Variants in GPC5 observed in about 807,000 individuals in gnomAD.
GPC5 encodes the protein glypican 5.
A neutral mutation model predicts 53.9 loss-of-function variants in GPC5; 47 were observed. That is an observed-to-expected ratio of 0.87 (90% CI 0.69 to 1.11). GPC5 has a LOEUF of 1.11. Among genes scored for constraint, GPC5 ranks in the 50% most tolerant of loss-of-function variants. The pLI, the probability that GPC5 is intolerant of heterozygous loss-of-function variation, is 0.00. For missense variants in GPC5, 748 were observed against 713.1 expected (o/e 1.05, Z -0.56); for synonymous variants, 286 against 263.3 (o/e 1.09, Z -0.84).
At chr13:91,652,280 C>CT (rs139021078) in intron 2 of GPC5, among the ~76,000 whole-genome samples, 9,809 of 152,044 alleles carry the variant, frequency 0.065, 1,047 homozygotes, top group African/African-American at 0.22. Context: ...AAAACTGGCA[C>CT]TTTTTTTTCT....
intron 3 of GPC5, among the ~76,000 whole-genome samples, chr13:91,725,872 C>A (rs895420932): frequency 6.6e-6 from 1 of 152,112 alleles, no homozygotes; most frequent in South Asian, 2.1e-4. Flanking sequence ...ATAGAAGTTC[C>A]ATAACTTGCC....
intron 7 of GPC5, among the ~76,000 whole-genome samples, chr13:92,303,967 C>T (rs1048515118): frequency 6.6e-6 from 1 of 152,136 alleles, no homozygotes; most frequent in African/African-American, 2.4e-5. Context: ...GAAGACTCAA[C>T]ATGCTAAGGT....
intron 7 of GPC5, among the ~76,000 whole-genome samples, chr13:92,158,860 A>G (rs1351155166): frequency 1.3e-5 from 2 of 152,188 alleles, no homozygotes; most frequent in African/African-American, 4.8e-5. Context: ...CGGTATCAAA[A>G]TTTATGAACT....
At chr13:92,195,296 A>G (rs2042249326) in intron 7 of GPC5, among the ~76,000 whole-genome samples, 1 of 152,206 alleles carries the variant, frequency 6.6e-6, no homozygotes, top group Admixed American at 6.5e-5. Context: ...GGGCCTAATC[A>G]GCGTCTGGTA....
At chr13:92,795,792 CA>C (rs1461907706) in intron 7 of GPC5, among the ~76,000 whole-genome samples, 13 of 152,088 alleles carry the variant, frequency 8.5e-5, no homozygotes, top group African/African-American at 2.9e-4. Flanking sequence ...CAGAGAAATG[CA>C]AATCAAAACC....
intron 7 of GPC5, among the ~76,000 whole-genome samples, chr13:92,770,570 T>G (rs1875576380): frequency 6.6e-6 from 1 of 152,210 alleles, no homozygotes; most frequent in Non-Finnish European, 1.5e-5. Flanking sequence ...AGATTTCCTA[T>G]GTTTTACATT....
intron 7 of GPC5, among the ~76,000 whole-genome samples, chr13:92,759,776 T>C (rs1395705193): frequency 6.6e-6 from 1 of 152,068 alleles, no homozygotes; most frequent in African/African-American, 2.4e-5. Flanking sequence ...AAAATGAGCA[T>C]CCTCATGCAT....
At chr13:91,555,355 A>T (rs996098737) in intron 2 of GPC5, among the ~76,000 whole-genome samples, 5 of 152,036 alleles carry the variant, frequency 3.3e-5, no homozygotes, top group African/African-American at 1.2e-4. Flanking sequence ...CCTCAAAAAG[A>T]TGCTTATCTA....
intron 2 of GPC5, among the ~76,000 whole-genome samples, chr13:91,522,598 C>A (rs1885879353): frequency 6.6e-6 from 1 of 151,982 alleles, no homozygotes; most frequent in African/African-American, 2.4e-5. Context: ...ATACATGTGC[C>A]ATGTTGGTTT....
intron 7 of GPC5, among the ~76,000 whole-genome samples, chr13:92,546,993 C>T (rs1193689319): frequency 6.6e-6 from 1 of 152,132 alleles, no homozygotes; most frequent in African/African-American, 2.4e-5. Context: ...GGATCCCTTC[C>T]TTACACCTTA....
intron 4 of GPC5, among the ~76,000 whole-genome samples, chr13:91,754,530 A>T (rs898714381): frequency 6.6e-6 from 1 of 152,106 alleles, no homozygotes; most frequent in Non-Finnish European, 1.5e-5. Flanking sequence ...TCATCAATTT[A>T]AAAGTCTCAA....
At chr13:91,457,611 G>A (rs183445456) in intron 2 of GPC5, among the ~76,000 whole-genome samples, 1 of 152,268 alleles carries the variant, frequency 6.6e-6, no homozygotes, top group African/African-American at 2.4e-5. Flanking sequence ...TGAAATGGAA[G>A]TGCGTATGTA....
chr13:92,420,564 C>T (rs1876512526), intron 7 of GPC5, among the ~76,000 whole-genome samples: 1 of 152,110 alleles, frequency 6.6e-6, no homozygotes, highest in African/African-American at 2.4e-5. Flanking sequence ...CCCTGTTGTG[C>T]TATCAAATAC....
At chr13:92,109,161 G>C (rs937237106) in intron 6 of GPC5, among the ~76,000 whole-genome samples, 4 of 148,998 alleles carry the variant, frequency 2.7e-5, no homozygotes, top group Non-Finnish European at 5.9e-5. Flanking sequence ...TGAACTCCTG[G>C]GCTCAGGCAA....
chr13:91,668,708 T>C (rs1394123954), intron 2 of GPC5, among the ~76,000 whole-genome samples: 1 of 152,202 alleles, frequency 6.6e-6, no homozygotes, highest in Admixed American at 6.5e-5. Flanking sequence ...TTCCAGACTA[T>C]CATAACAATG....
intron 2 of GPC5, among the ~76,000 whole-genome samples, chr13:91,625,446 T>C (rs971278768): frequency 2.0e-5 from 3 of 152,092 alleles, no homozygotes; most frequent in African/African-American, 7.2e-5. Flanking sequence ...TTATTGAGCA[T>C]GGAGAAGGCA....
intron 2 of GPC5, among the ~76,000 whole-genome samples, chr13:91,511,927 A>G (rs1885251134): frequency 6.6e-6 from 1 of 152,098 alleles, no homozygotes; most frequent in African/African-American, 2.4e-5. Flanking sequence ...AACTATATAT[A>G]AAAGAATAGG....
At chr13:92,663,773 A>C (rs1594397458) in intron 7 of GPC5, among the ~76,000 whole-genome samples, 1 of 138,028 alleles carries the variant, frequency 7.2e-6, no homozygotes, top group Non-Finnish European at 1.6e-5. Flanking sequence ...TATACACTAT[A>C]TATACACACA....
At chr13:92,282,921 T>G (rs1409252640) in intron 7 of GPC5, among the ~76,000 whole-genome samples, 1 of 152,202 alleles carries the variant, frequency 6.6e-6, no homozygotes, top group Non-Finnish European at 1.5e-5. Flanking sequence ...ATGGGCTAAA[T>G]GCTCCAATTA....
Sources: allele counts gnomAD v4.1 joint callset (sites outside exome capture counted in the v4.1 genomes callset), GRCh38; gene constraint gnomAD v4.1.1; transcripts MANE v1.5; gene names NCBI Gene and HGNC (gene_info 2026-07-23, HGNC 2026-07-21).